GNAS-AS1: variants seen among roughly 807,000 people sequenced by gnomAD.
GNAS-AS1 encodes the protein GNAS antisense RNA 1.
exon 1 of GNAS-AS1, chr20:58,850,764 C>T (rs1182143365): frequency 1.0e-5 from 4 of 398,860 alleles, no homozygotes; most frequent in Non-Finnish European, 1.8e-5. Flanking sequence ...GGCTCGGCAA[C>T]CTGTGGCATG....
intron 4 of GNAS-AS1, among the ~76,000 whole-genome samples, chr20:58,832,122 C>G (rs2085572156): frequency 6.6e-6 from 1 of 151,996 alleles, no homozygotes; most frequent in Non-Finnish European, 1.5e-5. Flanking sequence ...GAAAAACGTA[C>G]AAAAATCAAT....
At position 58,819,656 on chromosome 20, in the gene GNAS-AS1, CTTTTCTG is replaced by C. The variant is rs1339137105; in HGVS notation, n.820-408_820-402del. Among the ~76,000 whole-genome samples, 6 of 152,254 alleles carry C rather than the reference CTTTTCTG, an allele frequency of 3.9e-5. No homozygotes were observed. In the South Asian group the frequency reaches 1.0e-3, roughly 26 times the overall value. Reference sequence around the variant, plus strand: ...GGCAAGAAGCCAGGCTTAGATAAGCCTTTTCTGAAGCCCTCTGGCTGGCCAGAGAAAG... The same window carrying C: ...GGCAAGAAGCCAGGCTTAGATAAGCCAAGCCCTCTGGCTGGCCAGAGAAAG... On this transcript the variant is annotated intron_variant and non_coding_transcript_variant, in intron 4 of 4. Coordinates refer to ENST00000424094, the Ensembl canonical transcript of GNAS-AS1.
intron 4 of GNAS-AS1, chr20:58,839,704 G>A (rs1416418358): frequency 1.1e-5 from 5 of 471,428 alleles, no homozygotes; most frequent in Non-Finnish European, 1.9e-5. Context: ...AGAAGTCCGG[G>A]CGCGCAACTT....
chr20:58,850,838 C>T lies in GNAS-AS1; in HGVS notation n.66G>A, dbSNP rs564494963. The T allele has an allele frequency of 2.5e-5, 10 of 398,830 alleles. No homozygotes were observed. The Admixed American group carries it at 2.6e-4, about 11-fold the overall frequency. The allele number at this position is 398,830 out of a possible 1,614,324, so 24.7% of individuals were successfully genotyped here. A position where few individuals can be genotyped will look rare whatever the true frequency, so the allele number is the denominator to read the frequency against. On this transcript the variant is annotated non_coding_transcript_exon_variant, in exon 1 of 5. Coordinates refer to ENST00000424094, the Ensembl canonical transcript of GNAS-AS1. ...CTTCCAGGCCTAGCCGCCATACACC[C>T]GCCCCCCACCGGCTTCCAACCACCC... is the stretch of plus-strand genomic sequence containing the variant.
At chr20:58,834,940 T>C (rs1247246071) in intron 4 of GNAS-AS1, among the ~76,000 whole-genome samples, 1 of 152,156 alleles carries the variant, frequency 6.6e-6, no homozygotes, top group East Asian at 1.9e-4. Flanking sequence ...TAGATGGCAT[T>C]CCCCCAAATC....
intron 1 of GNAS-AS1, among the ~76,000 whole-genome samples, chr20:58,849,260 C>T (rs1214824164): frequency 2.6e-5 from 4 of 152,180 alleles, no homozygotes; most frequent in African/African-American, 9.7e-5. Context: ...GAGGCTAAAA[C>T]ACCAAGTCTA....
In GNAS-AS1 at chr20:58,825,243, G is replaced by A. The variant is rs372693042; in HGVS notation, n.820-5988C>T. Reference sequence around the variant, plus strand: ...TCTTCCTACCTCTCCTTAGCTAAGAGGCACCTGACCAGACACTGGGAGCAA... The same window carrying A: ...TCTTCCTACCTCTCCTTAGCTAAGAAGCACCTGACCAGACACTGGGAGCAA... On this transcript the variant is annotated intron_variant and non_coding_transcript_variant, in intron 4 of 4. Transcript: ENST00000424094. Among the ~76,000 whole-genome samples, 29 of 152,364 alleles carry A rather than the reference G, an allele frequency of 1.9e-4. No homozygotes were observed. In the South Asian group the frequency reaches 5.2e-3, roughly 27 times the overall value.
intron 2 of GNAS-AS1, among the ~76,000 whole-genome samples, chr20:58,847,953 G>A (rs1398215288): frequency 1.3e-5 from 2 of 152,180 alleles, no homozygotes; most frequent in African/African-American, 4.8e-5. Flanking sequence ...GACTGTTTGG[G>A]AGGCCCAGGG....
chr20:58,843,837 C>A (rs530244264), intron 2 of GNAS-AS1, among the ~76,000 whole-genome samples: 1 of 152,250 alleles, frequency 6.6e-6, no homozygotes, highest in African/African-American at 2.4e-5. Context: ...TTGCAATGTT[C>A]CAATATTGTG....
intron 4 of GNAS-AS1, among the ~76,000 whole-genome samples, chr20:58,837,583 C>T (rs1392937621): frequency 6.6e-6 from 1 of 152,254 alleles, no homozygotes. Context: ...GCTGGAACTA[C>T]AAGCGTGCGT....
At chr20:58,847,211 A>G (rs951191041) in intron 2 of GNAS-AS1, among the ~76,000 whole-genome samples, 8 of 152,048 alleles carry the variant, frequency 5.3e-5, no homozygotes, top group Non-Finnish European at 8.8e-5. Flanking sequence ...TAATCTGAGC[A>G]TATCAAGTAT....
At position 58,840,412 on chromosome 20, in the gene GNAS-AS1, G is replaced by A. The variant is rs2085672628; in HGVS notation, n.819+1525C>T. ...AGCTGTCCCTCCCCGAGTGCCTAGA[G>A]TACGAGGAAGAGTTCGACTACGAGA... On this transcript the variant is annotated intron_variant and non_coding_transcript_variant, in intron 4 of 4. Coordinates refer to ENST00000424094, the Ensembl canonical transcript of GNAS-AS1. This position sits in a 1 kb window ranked among gnomAD's most constrained non-coding sequence, Gnocchi z 6.0. 1 of 1,613,558 alleles carries A rather than the reference G, an allele frequency of 6.2e-7. No individual in the cohort carries two copies. Among genetic ancestry groups the A allele is most frequent in the Non-Finnish European group, 8.5e-7 (1 of 1,179,952 alleles).
At chr20:58,825,893 C>T in intron 4 of GNAS-AS1, 1 of 394,004 alleles carries the variant, frequency 2.5e-6, no homozygotes, top group African/African-American at 2.1e-5. Flanking sequence ...CCCAGAGTCC[C>T]TGCCACTGCT....
intron 3 of GNAS-AS1, chr20:58,842,264 G>A (rs535218689): frequency 1.3e-5 from 5 of 398,088 alleles, no homozygotes; most frequent in Non-Finnish European, 2.2e-5. Context: ...AATCTCATCC[G>A]ACTTGGAAAT....
chr20:58,842,273 A>G (rs1169602888), intron 3 of GNAS-AS1: 2 of 398,066 alleles, frequency 5.0e-6, no homozygotes, highest in South Asian at 1.3e-4. Flanking sequence ...CGACTTGGAA[A>G]TTGATTTTTT....
intron 4 of GNAS-AS1, among the ~76,000 whole-genome samples, chr20:58,820,550 G>A (rs1478539790): frequency 6.6e-6 from 1 of 152,262 alleles, no homozygotes; most frequent in Non-Finnish European, 1.5e-5. Context: ...GAGAAAGGCA[G>A]CCTCTCCCAG....
chr20:58,841,644 G>A lies in GNAS-AS1; in HGVS notation n.819+293C>T, dbSNP rs938107084. Reference sequence around the variant, plus strand: ...CGCGCCGGAGCTGACCTCTCCCGGCGGCGGGCGGTTAGGGGAAAGTACCTG... The same window carrying A: ...CGCGCCGGAGCTGACCTCTCCCGGCAGCGGGCGGTTAGGGGAAAGTACCTG... On this transcript the variant is annotated intron_variant and non_coding_transcript_variant, in intron 4 of 4. Transcript: ENST00000424094. This position sits in a 1 kb window ranked among gnomAD's most constrained non-coding sequence, Gnocchi z 5.0. 10 of 1,105,268 alleles carry A rather than the reference G, an allele frequency of 9.0e-6. No homozygotes were observed. In the East Asian group the frequency reaches 3.5e-4, roughly 38 times the overall value. The allele number at this position is 1,105,268 out of a possible 1,614,324, so 68.5% of individuals were successfully genotyped here.
At chr20:58,850,821 C>T in exon 1 of GNAS-AS1, 1 of 398,840 alleles carries the variant, frequency 2.5e-6, no homozygotes, top group East Asian at 3.6e-5. Context: ...GTCTTCCAGG[C>T]CTAGCCGCCA....
chr20:58,835,074 T>C (rs973173419), intron 4 of GNAS-AS1, among the ~76,000 whole-genome samples: 3 of 151,544 alleles, frequency 2.0e-5, no homozygotes, highest in African/African-American at 7.3e-5. Context: ...GCATTGTACC[T>C]GGTCCTCTCT....
Sources: gnomAD v4.1 joint callset for allele counts (sites outside exome capture counted in the v4.1 genomes callset) on GRCh38, gnomAD v4.1.1 for gene constraint, Gnocchi (gnomAD v3.1) non-coding constraint, MANE v1.5 for transcripts, NCBI Gene and HGNC (gene_info 2026-07-23, HGNC 2026-07-21) for gene names.